MCRIP1: variants seen among roughly 807,000 people sequenced by gnomAD.
The protein encoded by MCRIP1 is MAPK regulated corepressor interacting protein 1.
Under a neutral mutation model 14.4 loss-of-function variants are expected in MCRIP1, and 10 were observed. The ratio of observed to expected loss-of-function variants is 0.70; its 90% confidence interval spans 0.43 to 1.18. MCRIP1 has a LOEUF of 1.18. MCRIP1 is among the 50% of genes most tolerant of loss of function. MCRIP1 has a pLI of 0.00. For synonymous variants in MCRIP1, 53 were observed against 55.7 expected, an observed-to-expected ratio of 0.95 and a Z score of 0.21; for missense variants, 119 against 135.4, an observed-to-expected ratio of 0.88 and a Z score of 0.60.
In MCRIP1 at chr17:81,825,888, G is replaced by A. The variant is rs1045954840; in HGVS notation, c.-48-1334C>T. On this transcript the variant is annotated intron_variant, in intron 1 of 4. Coordinates refer to ENST00000455127, the MANE Select transcript of MCRIP1 (RefSeq NM_207368.5). ...AGGGAAAGGCCTGTTTGGGTTGAGGGTCCCACAGGGACATGCTGCCTGCTG... is the reference window on the plus strand; with the variant it reads ...AGGGAAAGGCCTGTTTGGGTTGAGGATCCCACAGGGACATGCTGCCTGCTG... 3 of 1,291,154 alleles carry A rather than the reference G, an allele frequency of 2.3e-6. No individual in the cohort carries two copies. In the South Asian group the frequency reaches 3.7e-5, roughly 16 times the overall value. The allele number at this position is 1,291,154 out of a possible 1,614,324, so 80.0% of individuals were successfully genotyped here.
chr17:81,825,866 G>C (rs2038380889), intron 1 of MCRIP1: 3 of 1,290,074 alleles, frequency 2.3e-6, no homozygotes, highest in Admixed American at 4.6e-5. Context: ...AGCACGGAGG[G>C]AAAGGCCTGT....
intron 1 of MCRIP1, among the ~76,000 whole-genome samples, 170 bp downstream of exon 1, chr17:81,833,068 G>T (rs1009069003): frequency 4.0e-5 from 6 of 149,732 alleles, no homozygotes; most frequent in Admixed American, 4.0e-4. Flanking sequence ...GGTGCCGGGC[G>T]GGGAACGCGG....
Position 81,823,404 on chromosome 17 carries a change from C to T in MCRIP1, c.229+8G>A. 6.5e-7 allele frequency: 1 copy of T among 1,536,702 alleles called. No homozygotes were observed. The highest frequency in any genetic ancestry group is 8.7e-7 in the Non-Finnish European group (1 of 1,146,682). ...CCCAGCCCTGCCCCCAGGTCAGCCC[C>T]CACTCACTCTTCAGGCTGGGGTTAG... On this transcript the variant is annotated splice_region_variant and intron_variant, in intron 4 of 4. Transcript: ENST00000455127. This position sits in a 1 kb window ranked among gnomAD's most constrained non-coding sequence, Gnocchi z 6.0.
intron 1 of MCRIP1, chr17:81,825,388 T>G: frequency 8.4e-6 from 10 of 1,185,858 alleles, no homozygotes; most frequent in Non-Finnish European, 1.1e-5. Context: ...CTGACAGGGC[T>G]GGTCTCCAGC....
chr17:81,826,406 C>A (rs2038397574), intron 1 of MCRIP1: 1 of 1,533,754 alleles, frequency 6.5e-7, no homozygotes, highest in Non-Finnish European at 8.7e-7. Context: ...CACTTGTAGT[C>A]CCAGCTACTC....
chr17:81,828,276 G>A (rs1338434747), intron 1 of MCRIP1, among the ~76,000 whole-genome samples: 2 of 57,176 alleles, frequency 3.5e-5, no homozygotes, highest in Non-Finnish European at 7.5e-5. Context: ...CCCACCCCCC[G>A]ACCCTGCACA....
chr17:81,823,612 C>T lies in MCRIP1; in HGVS notation c.128-99G>A, dbSNP rs1035243896. ...CCCTCAGCTCCTGCCCTCCCAGATC[C>T]TCTTCTCCCTCAGAAGTGTCCTCCA... is the stretch of plus-strand genomic sequence containing the variant. On this transcript the variant is annotated intron_variant, in intron 3 of 4. Transcript: ENST00000455127. The surrounding 1 kb of genome is among the most constrained non-coding windows in gnomAD (Gnocchi z 6.0). 1.4e-5 allele frequency: 14 copies of T among 975,590 alleles called. No individual in the cohort carries two copies. In the Admixed American group the frequency reaches 2.9e-4, roughly 20 times the overall value. The allele number at this position is 975,590 out of a possible 1,614,324, so 60.4% of individuals were successfully genotyped here. A position where few individuals can be genotyped will look rare whatever the true frequency, so the allele number is the denominator to read the frequency against.
Position 81,824,400 on chromosome 17 carries a change from G to A in MCRIP1, c.14C>T (p.Pro5Leu). The A allele has an allele frequency of 6.5e-7, 1 of 1,533,948 alleles. No homozygotes were observed. The highest frequency in any genetic ancestry group is 8.7e-7 in the Non-Finnish European group (1 of 1,144,990). ...GCCGTTGTACACGACTCTGGAGACG[G>A]GGGAGCTGGGGGAGCCTGGCGCATG... Reference protein sequence around the residue: MTSSPVSRVVYNGKR... With the variant: MTSSLVSRVVYNGKR... The change falls in exon 3 of 5, where the codon CCC (proline) becomes CTC (leucine). Residue 5 changes from proline (P) to leucine (L), a missense_variant. By Grantham distance (98) the Pro-to-Leu change is moderately conservative. Coordinates refer to ENST00000455127, the MANE Select transcript of MCRIP1 (RefSeq NM_207368.5).
rs2143201455 is a variant in MCRIP1, at chr17:81,823,885, C to A, written c.128-372G>T. 1.9e-6 allele frequency: 1 copy of A among 526,652 alleles called. No individual in the cohort carries two copies. Among genetic ancestry groups the A allele is most frequent in the South Asian group, 2.4e-5 (1 of 40,948 alleles). 32.6% of individuals were successfully genotyped at this position (526,652 alleles called of 1,614,324 possible). A position where few individuals can be genotyped will look rare whatever the true frequency, so the allele number is the denominator to read the frequency against. ...CACGGCACACTCCCCTAATCCCAGA[C>A]AACCACCTCCCGGCCACTTCTGCAA... On this transcript the variant is annotated intron_variant, in intron 3 of 4. Coordinates refer to ENST00000455127, the MANE Select transcript of MCRIP1 (RefSeq NM_207368.5). The surrounding 1 kb of genome is among the most constrained non-coding windows in gnomAD (Gnocchi z 6.0).
chr17:81,826,291 T>A lies in MCRIP1; in HGVS notation c.-48-1737A>T, dbSNP rs1006753196. On this transcript the variant is annotated intron_variant, in intron 1 of 4. Transcript: ENST00000455127. ...CCTGCACACACCTTAGCTGAATACATCTGCCACACACATGCATACAACCGC... is the reference window on the plus strand; with the variant it reads ...CCTGCACACACCTTAGCTGAATACAACTGCCACACACATGCATACAACCGC... 3.3e-6 allele frequency: 5 copies of A among 1,534,796 alleles called. No homozygotes were observed. In the African/African-American group the frequency reaches 5.5e-5, roughly 17 times the overall value.
chr17:81,826,872 C>A (rs1291130659), intron 1 of MCRIP1, among the ~76,000 whole-genome samples: 5 of 145,558 alleles, frequency 3.4e-5, no homozygotes, highest in Non-Finnish European at 6.0e-5. Context: ...GTAATCCCAG[C>A]ACTTTGGGAG....
At chr17:81,824,622 C>T (rs1340407451) in intron 1 of MCRIP1, 68 bp from the exon 2 acceptor site, 10 of 1,532,554 alleles carry the variant, frequency 6.5e-6, no homozygotes, top group Middle Eastern at 1.7e-4. Context: ...GAGGGGGAGG[C>T]GCAGGGCACA....
At chr17:81,826,453 G>A (rs1302200162) in intron 1 of MCRIP1, 5 of 1,395,122 alleles carry the variant, frequency 3.6e-6, no homozygotes, top group Non-Finnish European at 4.9e-6. Context: ...AGCCCAGGAG[G>A]TCAAGGCTGC....
In MCRIP1 at chr17:81,823,914, G is replaced by T; in HGVS notation, c.127+373C>A. 1 of 511,538 alleles carries T rather than the reference G, an allele frequency of 2.0e-6. No homozygotes were observed. The highest frequency in any genetic ancestry group is 2.5e-5 in the South Asian group (1 of 39,422). The allele number at this position is 511,538 out of a possible 1,614,324, so 31.7% of individuals were successfully genotyped here. A position where few individuals can be genotyped will look rare whatever the true frequency, so the allele number is the denominator to read the frequency against. ...CACCTCCCGGCCACTTCTGCAACAC[G>T]CCCGTTCATGGCTGGATGCGTGCCT... On this transcript the variant is annotated intron_variant, in intron 3 of 4. Coordinates refer to ENST00000455127, the MANE Select transcript of MCRIP1 (RefSeq NM_207368.5). This position sits in a 1 kb window ranked among gnomAD's most constrained non-coding sequence, Gnocchi z 6.0.
intron 1 of MCRIP1, among the ~76,000 whole-genome samples, chr17:81,830,965 A>G (rs2143261453): frequency 6.6e-6 from 1 of 152,192 alleles, no homozygotes; most frequent in Admixed American, 6.5e-5. Flanking sequence ...CAGGAGTTCG[A>G]GACCAGCCTG....
rs896671912 is a variant in MCRIP1 at position 81,823,615 on chromosome 17, T to C, written c.128-102A>G. 1.0e-6 allele frequency: 1 copy of C among 968,512 alleles called. No individual in the cohort carries two copies. The allele number at this position is 968,512 out of a possible 1,614,324, so 60.0% of individuals were successfully genotyped here. A position where few individuals can be genotyped will look rare whatever the true frequency, so the allele number is the denominator to read the frequency against. On this transcript the variant is annotated intron_variant, in intron 3 of 4. Transcript: ENST00000455127. This position sits in a 1 kb window ranked among gnomAD's most constrained non-coding sequence, Gnocchi z 6.0. ...TCAGCTCCTGCCCTCCCAGATCCTC[T>C]TCTCCCTCAGAAGTGTCCTCCATGC...
chr17:81,824,882 C>T, intron 1 of MCRIP1: 1 of 1,219,736 alleles, frequency 8.2e-7, no homozygotes, highest in Middle Eastern at 3.2e-4. Context: ...GCACTGTGGC[C>T]AGAGCCCCTC....
chr17:81,824,139 G>T, intron 3 of MCRIP1, 148 bp downstream of exon 3: 2 of 708,212 alleles, frequency 2.8e-6, no homozygotes, highest in South Asian at 1.6e-5. Flanking sequence ...GGCCCTGAAG[G>T]CTGTGGACAC....
At position 81,823,923 on chromosome 17, in the gene MCRIP1, T is replaced by A; in HGVS notation, c.127+364A>T. 1 of 512,300 alleles carries A rather than the reference T, an allele frequency of 2.0e-6. No individual in the cohort carries two copies. The highest frequency in any genetic ancestry group is 2.5e-5 in the South Asian group (1 of 39,968). 31.7% of individuals were successfully genotyped at this position (512,300 alleles called of 1,614,324 possible). A position where few individuals can be genotyped will look rare whatever the true frequency, so the allele number is the denominator to read the frequency against. On this transcript the variant is annotated intron_variant, in intron 3 of 4. Coordinates refer to ENST00000455127, the MANE Select transcript of MCRIP1 (RefSeq NM_207368.5). The surrounding 1 kb of genome is among the most constrained non-coding windows in gnomAD (Gnocchi z 6.0). ...GCCACTTCTGCAACACGCCCGTTCATGGCTGGATGCGTGCCTGTCTGTCTT... is the reference window on the plus strand; with the variant it reads ...GCCACTTCTGCAACACGCCCGTTCAAGGCTGGATGCGTGCCTGTCTGTCTT...
Sources: allele counts gnomAD v4.1 joint callset (sites outside exome capture counted in the v4.1 genomes callset), GRCh38; gene constraint gnomAD v4.1.1; non-coding constraint Gnocchi (gnomAD v3.1); transcripts MANE v1.5; gene names NCBI Gene and HGNC (gene_info 2026-07-23, HGNC 2026-07-21).